SREBF2: variants seen among roughly 807,000 people sequenced by gnomAD.
SREBF2 encodes the protein sterol regulatory element binding transcription factor 2.
A neutral mutation model predicts 113.1 loss-of-function variants in SREBF2; 55 were observed. The observed-to-expected ratio is 0.49, with a 90% CI of 0.39 to 0.61. The LOEUF (loss-of-function observed/expected upper bound fraction) is 0.61. Among genes scored for constraint, SREBF2 ranks in the 20% least tolerant of loss-of-function variants. SREBF2 has a pLI of 0.00. For missense variants in SREBF2, 1,349 were observed against 1,487.4 expected, an observed-to-expected ratio of 0.91 and a Z score of 1.53; for synonymous variants, 593 against 605.7, an observed-to-expected ratio of 0.98 and a Z score of 0.31.
chr22:41,888,886 T>C (rs2077326895), intron 11 of SREBF2, among the ~76,000 whole-genome samples: 1 of 152,236 alleles, frequency 6.6e-6, no homozygotes, highest in Non-Finnish European at 1.5e-5. Flanking sequence ...TGAGAGAGGA[T>C]AAAGAGACTC....
rs1373208573 is a variant in SREBF2, at chr22:41,867,086, A to G, written c.344A>G (p.Lys115Arg). 7.4e-6 allele frequency: 12 copies of G among 1,614,062 alleles called. No individual in the cohort carries two copies. The highest frequency in any genetic ancestry group is 3.3e-5 in the South Asian group (3 of 91,090). The part of the protein sequence containing the change: ...ASPQAPTLQV[K>R]VSPTSVPTTP... ...CCACAGGCTCCAACTCTGCAAGTCA[A>G]GGTTTCTCCCACCTCAGTTCCCACC... is the stretch of plus-strand genomic sequence containing the variant. Residue 115 changes from lysine to arginine, a missense_variant, in exon 2 of 19, where the codon AAG (lysine) becomes AGG (arginine). Coordinates refer to ENST00000361204, the MANE Select transcript of SREBF2 (RefSeq NM_004599.4).
intron 1 of SREBF2, among the ~76,000 whole-genome samples, chr22:41,864,867 C>T (rs1006154564): frequency 1.3e-5 from 2 of 152,054 alleles, no homozygotes; most frequent in African/African-American, 4.8e-5. Context: ...GTGGAAGGAT[C>T]GCTTGAGCCT....
chr22:41,904,919 C>A lies in SREBF2; in HGVS notation c.3150C>A (p.Thr1050=). 6.2e-7 allele frequency: 1 copy of A among 1,606,264 alleles called. No individual in the cohort carries two copies. The highest frequency in any genetic ancestry group is 8.5e-7 in the Non-Finnish European group (1 of 1,178,914). ...RLMAGASPTR[T]HQLLEHSLRR... is the part of the protein sequence containing the mutation. ...TGGCAGGAGCCAGCCCCACCCGCACCCACCAGCTGCTGGAACACAGCCTGC... is the reference window on the plus strand; with the variant it reads ...TGGCAGGAGCCAGCCCCACCCGCACACACCAGCTGCTGGAACACAGCCTGC... Residue 1050 remains threonine, a synonymous_variant, in exon 18 of 19, where the codon ACC becomes ACA. Coordinates refer to ENST00000361204, the MANE Select transcript of SREBF2 (RefSeq NM_004599.4).
intron 11 of SREBF2, among the ~76,000 whole-genome samples, chr22:41,892,058 G>A (rs1333974824): frequency 6.6e-6 from 1 of 152,188 alleles, no homozygotes; most frequent in Non-Finnish European, 1.5e-5. Flanking sequence ...TTTCTCGCAG[G>A]CTGGTGTTCA....
intron 4 of SREBF2, among the ~76,000 whole-genome samples, chr22:41,872,988 A>T (rs1281951682): frequency 6.6e-6 from 1 of 152,152 alleles, no homozygotes; most frequent in African/African-American, 2.4e-5. Flanking sequence ...ACCTGAGGTC[A>T]GCAGTTTGAG....
At chr22:41,894,976 T>C (rs1386744757) in intron 13 of SREBF2, 39 bp downstream of exon 13, 11 of 1,553,538 alleles carry the variant, frequency 7.1e-6, no homozygotes, top group Non-Finnish European at 9.8e-6. Context: ...TTAGGACCTG[T>C]CCACGCAGGC....
In SREBF2 at chr22:41,833,462, C is replaced by A; in HGVS notation, c.88+104C>A. 1 of 1,033,872 alleles carries A rather than the reference C, an allele frequency of 9.7e-7. No homozygotes were observed. The highest frequency in any genetic ancestry group is 1.4e-6 in the Non-Finnish European group (1 of 719,546). 64.0% of individuals were successfully genotyped at this position (1,033,872 alleles called of 1,614,324 possible). A position where few individuals can be genotyped will look rare whatever the true frequency, so the allele number is the denominator to read the frequency against. ...CCCACCCCCCGACAGCCCCGGTTCG[C>A]GCGGGAAGAACCCCGTGCGCACGGT... On this transcript the variant is annotated intron_variant, in intron 1 of 18. Coordinates refer to ENST00000361204, the MANE Select transcript of SREBF2 (RefSeq NM_004599.4). This position sits in a 1 kb window ranked among gnomAD's most constrained non-coding sequence, Gnocchi z 4.1.
intron 1 of SREBF2, among the ~76,000 whole-genome samples, chr22:41,841,569 C>G (rs1381941220): frequency 6.6e-6 from 1 of 152,206 alleles, no homozygotes; most frequent in East Asian, 1.9e-4. Flanking sequence ...TGCTGCTTGC[C>G]TCTCATTGAA....
chr22:41,842,767 A>G lies in SREBF2; in HGVS notation c.88+9409A>G, dbSNP rs2076841619. ...CACTTGGGGAGGCCGAGCCGGGTGA[A>G]TCATGGGGTCAGGAGATCAAGACCA... On this transcript the variant is annotated intron_variant, in intron 1 of 18. Coordinates refer to ENST00000361204, the MANE Select transcript of SREBF2 (RefSeq NM_004599.4). Among the ~76,000 whole-genome samples the G allele has an allele frequency of 2.0e-5, 3 of 152,252 alleles. No homozygotes were observed. The South Asian group carries it at 6.2e-4, about 32-fold the overall frequency.
Position 41,892,068 on chromosome 22 carries a change from A to G in SREBF2, c.2209-1049A>G, listed in dbSNP as rs117459974. ...TGTTCTTTCTCGCAGGCTGGTGTTC[A>G]CATCAGGGGCTCATGCAGGGGTGCC... On this transcript the variant is annotated intron_variant, in intron 11 of 18. Coordinates refer to ENST00000361204, the MANE Select transcript of SREBF2 (RefSeq NM_004599.4). Among the ~76,000 whole-genome samples the G allele has an allele frequency of 7.9e-3, 1,208 of 152,248 alleles. 7 individuals are homozygous for G. Among genetic ancestry groups the G allele is most frequent in the Non-Finnish European group, 0.014 (961 of 68,014 alleles).
At chr22:41,890,777 G>A (rs2077353205) in intron 11 of SREBF2, among the ~76,000 whole-genome samples, 1 of 151,654 alleles carries the variant, frequency 6.6e-6, no homozygotes, top group Non-Finnish European at 1.5e-5. Context: ...GTGCGGTGGC[G>A]GGTGCCTATA....
intron 1 of SREBF2, among the ~76,000 whole-genome samples, chr22:41,859,777 C>T (rs1222752875): frequency 1.4e-5 from 2 of 146,922 alleles, no homozygotes; most frequent in Admixed American, 1.4e-4. Context: ...GCCCCAGGTT[C>T]CAAGGCTAGG....
chr22:41,872,105 C>T (rs1256975791), intron 4 of SREBF2, among the ~76,000 whole-genome samples: 1 of 151,822 alleles, frequency 6.6e-6, no homozygotes, highest in Non-Finnish European at 1.5e-5. Flanking sequence ...AAAAAATTAG[C>T]CGGGCATGGT....
At chr22:41,876,574 C>T (rs2077199599) in intron 7 of SREBF2, among the ~76,000 whole-genome samples, 2 of 152,202 alleles carry the variant, frequency 1.3e-5, no homozygotes, top group South Asian at 4.2e-4. Context: ...TGGCTTCAGC[C>T]CTCCTGCTGT....
At position 41,904,884 on chromosome 22, in the gene SREBF2, G is replaced by A. The variant is rs373400723; in HGVS notation, c.3115G>A (p.Val1039Met). 1.1e-4 allele frequency: 178 copies of A among 1,601,200 alleles called. 1 individual carries two copies. Among genetic ancestry groups the A allele is most frequent in the Non-Finnish European group, 1.3e-4 (157 of 1,176,386 alleles). Residue 1039 changes from valine (V) to methionine (M), a missense_variant, in exon 18 of 19, where the codon GTG becomes ATG. Val to Met is a conservative substitution (Grantham distance 21). Around this residue, in one of 2 missense-constraint regions of SREBF2, gnomAD observed 650 missense variants for 644.1 expected, o/e 1.01. Coordinates refer to ENST00000361204, the MANE Select transcript of SREBF2 (RefSeq NM_004599.4). ...YRKVFLHEAT[V>M]RLMAGASPTR... ...CCAGGTGTTCCTGCATGAAGCCACC[G>A]TGCGCCTGATGGCAGGAGCCAGCCC...
At chr22:41,904,531 G>T in intron 17 of SREBF2, 1 of 546,166 alleles carries the variant, frequency 1.8e-6, no homozygotes, top group Non-Finnish European at 3.6e-6. Flanking sequence ...TTGTCAAACT[G>T]CAGGCAGCCT....
At chr22:41,864,287 A>C in intron 1 of SREBF2, among the ~76,000 whole-genome samples, 1 of 118,668 alleles carries the variant, frequency 8.4e-6, no homozygotes, top group Admixed American at 8.8e-5. Context: ...CACACACAAA[A>C]TATCAAAATA....
chr22:41,848,041 G>C (rs1422776371), intron 1 of SREBF2, among the ~76,000 whole-genome samples: 1 of 151,540 alleles, frequency 6.6e-6, no homozygotes, highest in Non-Finnish European at 1.5e-5. Flanking sequence ...TCAGCTTCCC[G>C]AGTAGCTGGG....
rs1482176171 is a variant in SREBF2, at chr22:41,894,814, T to C, written c.2378-6T>C. On this transcript the variant is annotated splice_polypyrimidine_tract_variant and splice_region_variant and intron_variant, in intron 12 of 18. Coordinates refer to ENST00000361204, the MANE Select transcript of SREBF2 (RefSeq NM_004599.4). ...ATTTAACCCCCCTTGCCTGTCTCTT[T>C]TCCAGCTGACCCCATTGCGCAGGTC... 6.2e-7 allele frequency: 1 copy of C among 1,613,946 alleles called. No homozygotes were observed.
Sources: allele counts gnomAD v4.1 joint callset (sites outside exome capture counted in the v4.1 genomes callset), GRCh38; gene constraint gnomAD v4.1.1; regional missense constraint gnomAD v4.1.1; non-coding constraint Gnocchi (gnomAD v3.1); transcripts MANE v1.5; gene names NCBI Gene and HGNC (gene_info 2026-07-23, HGNC 2026-07-21).